CNIH3: variants seen among roughly 807,000 people sequenced by gnomAD.
The protein encoded by CNIH3 is cornichon family AMPA receptor auxiliary protein 3.
A neutral mutation model predicts 24.1 loss-of-function variants in CNIH3; 14 were observed. The ratio of observed to expected loss-of-function variants is 0.58; its 90% CI spans 0.38 to 0.91. The LOEUF (loss-of-function observed/expected upper bound fraction) is 0.91. Ranked by LOEUF, CNIH3 falls within the 40% of genes least tolerant of loss-of-function variation. The pLI is 0.00. For missense variants in CNIH3, 178 were observed against 196.8 expected (o/e 0.90, Z 0.57); for synonymous variants, 68 against 73.8 (o/e 0.92, Z 0.40).
chr1:224,643,067 C>T (rs1038761784), intron 1 of CNIH3, among the ~76,000 whole-genome samples: 3 of 152,148 alleles, frequency 2.0e-5, no homozygotes, highest in Non-Finnish European at 2.9e-5. Flanking sequence ...GACACATCTG[C>T]GGCCCTTCTG....
At chr1:224,441,482 G>T (rs1341150264) in intron 1 of CNIH3, among the ~76,000 whole-genome samples, 2 of 152,180 alleles carry the variant, frequency 1.3e-5, no homozygotes, top group African/African-American at 2.4e-5. Context: ...ATAGCCCCAG[G>T]AGTCCCTGCA....
At chr1:224,552,520 C>A (rs181236204) in intron 3 of CNIH3, among the ~76,000 whole-genome samples, 1 of 151,648 alleles carries the variant, frequency 6.6e-6, no homozygotes, top group African/African-American at 2.4e-5. Flanking sequence ...AGTAATATCT[C>A]CCTTAGATAT....
intron 5 of CNIH3, among the ~76,000 whole-genome samples, chr1:224,737,749 T>C (rs1689668103): frequency 6.6e-6 from 1 of 152,136 alleles, no homozygotes; most frequent in South Asian, 2.1e-4. Flanking sequence ...GTGTCTCAGG[T>C]CCCTGCTAAT....
At chr1:224,672,259 G>A (rs1263193729) in intron 1 of CNIH3, among the ~76,000 whole-genome samples, 2 of 152,140 alleles carry the variant, frequency 1.3e-5, no homozygotes, top group African/African-American at 4.8e-5. Flanking sequence ...CTGGGGAGGT[G>A]TATATTTTGG....
At chr1:224,602,758 A>G (rs1353038579) in intron 3 of CNIH3, among the ~76,000 whole-genome samples, 2 of 152,250 alleles carry the variant, frequency 1.3e-5, no homozygotes, top group African/African-American at 2.4e-5. Flanking sequence ...ATATTTTTAG[A>G]GAAGTAACAA....
intron 1 of CNIH3, chr1:224,459,196 G>T (rs201990640): frequency 4.7e-5 from 3 of 64,100 alleles, no homozygotes; most frequent in African/African-American, 1.5e-4. Context: ...CTACTGCTTA[G>T]ATCAAGTCTT....
At chr1:224,440,525 T>G (rs1008561793) in intron 1 of CNIH3, among the ~76,000 whole-genome samples, 1 of 152,222 alleles carries the variant, frequency 6.6e-6, no homozygotes, top group African/African-American at 2.4e-5. Flanking sequence ...GCTTCTGGCC[T>G]GAAGCATTAA....
chr1:224,544,514 G>A (rs1352371760), intron 2 of CNIH3, among the ~76,000 whole-genome samples: 1 of 152,188 alleles, frequency 6.6e-6, no homozygotes, highest in African/African-American at 2.4e-5. Context: ...TTTTAAAATA[G>A]GGAGTTCAAT....
At position 224,648,805 on chromosome 1, in the gene CNIH3, A is replaced by G. The variant is rs577186518; in HGVS notation, c.81+31550A>G. Among the ~76,000 whole-genome samples, 15 of 152,282 alleles carry G rather than the reference A, an allele frequency of 9.9e-5. 1 individual carries two copies. Among genetic ancestry groups the G allele is most frequent in the Non-Finnish European group, 2.1e-4 (14 of 68,026 alleles). ...AGATCTAGTCTGCAGTCAGATTAGTAACTATTCCTTCCTGGTAGGACAAGA... is the reference window on the plus strand; with the variant it reads ...AGATCTAGTCTGCAGTCAGATTAGTGACTATTCCTTCCTGGTAGGACAAGA... On this transcript the variant is annotated intron_variant, in intron 1 of 5. Coordinates refer to ENST00000272133, the MANE Select transcript of CNIH3 (RefSeq NM_152495.2).
At chr1:224,689,144 T>C (rs1187881305) in intron 3 of CNIH3, among the ~76,000 whole-genome samples, 1 of 152,112 alleles carries the variant, frequency 6.6e-6, no homozygotes, top group Non-Finnish European at 1.5e-5. Context: ...TGGTGAAGCG[T>C]GCAAACATCT....
At chr1:224,506,507 G>A (rs1385845165) in intron 1 of CNIH3, among the ~76,000 whole-genome samples, 2 of 152,194 alleles carry the variant, frequency 1.3e-5, no homozygotes, top group Non-Finnish European at 2.9e-5. Flanking sequence ...GCTCAGTGGA[G>A]TTTTAGTCTG....
intron 1 of CNIH3, among the ~76,000 whole-genome samples, chr1:224,462,637 A>T (rs1221001558): frequency 2.5e-5 from 3 of 119,376 alleles, no homozygotes; most frequent in Non-Finnish European, 5.0e-5. Flanking sequence ...TCTGGACCCA[A>T]TTTTTTTTTT....
chr1:224,469,904 C>A (rs1676298121), intron 1 of CNIH3, among the ~76,000 whole-genome samples: 1 of 151,876 alleles, frequency 6.6e-6, no homozygotes, highest in African/African-American at 2.4e-5. Context: ...GTGATGAATT[C>A]TGCCAGATTT....
At chr1:224,686,208 TAA>T (rs1465666209) in intron 3 of CNIH3, among the ~76,000 whole-genome samples, 5 of 138,404 alleles carry the variant, frequency 3.6e-5, no homozygotes, top group Admixed American at 7.9e-5. Flanking sequence ...TTCCTGTGTC[TAA>T]GTGTTCTCAT....
chr1:224,440,520 T>C (rs1572242607), intron 1 of CNIH3, among the ~76,000 whole-genome samples: 1 of 152,220 alleles, frequency 6.6e-6, no homozygotes, highest in South Asian at 2.1e-4. Context: ...CAACTGCTTC[T>C]GGCCTGAAGC....
At chr1:224,667,638 C>T (rs899136147) in intron 1 of CNIH3, among the ~76,000 whole-genome samples, 10 of 152,144 alleles carry the variant, frequency 6.6e-5, no homozygotes, top group East Asian at 1.9e-4. Context: ...AGACTGCAAA[C>T]GCTAGAAAGC....
intron 1 of CNIH3, among the ~76,000 whole-genome samples, chr1:224,474,805 A>G (rs1406235181): frequency 6.6e-6 from 1 of 152,034 alleles, no homozygotes; most frequent in Non-Finnish European, 1.5e-5. Context: ...AGGCGGGCAG[A>G]TCACAAGGTC....
chr1:224,653,018 G>C (rs186929794), intron 1 of CNIH3, among the ~76,000 whole-genome samples: 2 of 152,330 alleles, frequency 1.3e-5, no homozygotes, highest in Non-Finnish European at 2.9e-5. Context: ...GGCACATTTT[G>C]TGCCAGCCCT....
At chr1:224,438,842 T>TA (rs1159393484) in intron 1 of CNIH3, among the ~76,000 whole-genome samples, 1 of 152,220 alleles carries the variant, frequency 6.6e-6, no homozygotes, top group Non-Finnish European at 1.5e-5. Context: ...TTGCTAGAGT[T>TA]AATGTGTGGG....
Sources: gnomAD v4.1 joint callset for allele counts (sites outside exome capture counted in the v4.1 genomes callset) on GRCh38, gnomAD v4.1.1 for gene constraint, MANE v1.5 for transcripts, NCBI Gene and HGNC (gene_info 2026-07-23, HGNC 2026-07-21) for gene names.